Variants in C3orf70 observed in about 807,000 individuals in gnomAD.
C3orf70 encodes the protein chromosome 3 open reading frame 70, also known as UPF0524 protein C3orf70.
In C3orf70, 15 loss-of-function variants were observed where a neutral mutation model predicts 20.7. That is an observed-to-expected ratio of 0.72 (90% CI 0.48 to 1.11). The LOEUF (loss-of-function observed/expected upper bound fraction) is 1.11, where lower values mean the gene tolerates loss of function less well. C3orf70 is among the 50% of genes most tolerant of loss of function. The probability of loss-of-function intolerance (pLI) is 0.00; values close to 1 mark genes in which losing one functional copy is unlikely to be tolerated. For synonymous variants in C3orf70, 161 were observed against 125.7 expected, an observed-to-expected ratio of 1.28 and a Z score of -1.88; for missense variants, 332 against 317.6, an observed-to-expected ratio of 1.05 and a Z score of -0.34.
Position 185,077,393 on chromosome 3 carries a change from G to A in C3orf70, c.*5614C>T, listed in dbSNP as rs1467909813. 6.6e-6 allele frequency among the ~76,000 whole-genome samples: 1 copy of A among 152,160 alleles called. No individual in the cohort carries two copies. Among genetic ancestry groups the A allele is most frequent in the East Asian group, 1.9e-4 (1 of 5,198 alleles). ...CACTGGGTAAAGATGTGGACTTCTT[G>A]AGCTCTTTTCCTGATCTGTGAAATG... On this transcript the variant is annotated 3_prime_UTR_variant, in exon 2 of 2. Coordinates refer to ENST00000335012, the MANE Select transcript of C3orf70 (RefSeq NM_001025266.3).
Position 185,082,046 on chromosome 3 carries a change from T to C in C3orf70, c.*961A>G, listed in dbSNP as rs567559612. ...ATGTCAGATGTGGCTGCCACCTAAA[T>C]GTGATACCTATATAACTTCCTAAGA... On this transcript the variant is annotated 3_prime_UTR_variant, in exon 2 of 2. Transcript: ENST00000335012. The C allele has an allele frequency of 6.6e-6, 1 of 152,310 alleles. No individual in the cohort carries two copies. Among genetic ancestry groups the C allele is most frequent in the East Asian group, 1.9e-4 (1 of 5,188 alleles). 9.4% of individuals were successfully genotyped at this position (152,310 alleles called of 1,614,324 possible).
intron 1 of C3orf70, among the ~76,000 whole-genome samples, chr3:185,095,096 T>C (rs1274766201): frequency 6.6e-6 from 1 of 152,266 alleles, no homozygotes; most frequent in Non-Finnish European, 1.5e-5. Flanking sequence ...AATCTAAAGA[T>C]GGTTCTTAAT....
chr3:185,126,611 G>A (rs995184855), intron 1 of C3orf70, among the ~76,000 whole-genome samples: 3 of 152,152 alleles, frequency 2.0e-5, no homozygotes, highest in Non-Finnish European at 2.9e-5. Context: ...GTTTTAATTC[G>A]TCTTATCATA....
chr3:185,098,938 C>T (rs1228895821), intron 1 of C3orf70, among the ~76,000 whole-genome samples: 1 of 152,318 alleles, frequency 6.6e-6, no homozygotes, highest in East Asian at 1.9e-4. Context: ...TCTGCTGGCC[C>T]ACACTGCAGA....
chr3:185,131,957 A>G (rs1275403170), intron 1 of C3orf70, among the ~76,000 whole-genome samples: 1 of 152,238 alleles, frequency 6.6e-6, no homozygotes, highest in Non-Finnish European at 1.5e-5. Flanking sequence ...CTCAGGACAC[A>G]TGAGGAAAGA....
At chr3:185,128,452 C>T (rs1336080112) in intron 1 of C3orf70, among the ~76,000 whole-genome samples, 1 of 151,810 alleles carries the variant, frequency 6.6e-6, no homozygotes, top group African/African-American at 2.4e-5. Flanking sequence ...CGCCTGAACC[C>T]CAGAAGCAGA....
chr3:185,116,775 C>A (rs958901491), intron 1 of C3orf70, among the ~76,000 whole-genome samples: 4 of 151,168 alleles, frequency 2.6e-5, no homozygotes, highest in Non-Finnish European at 5.9e-5. Context: ...TAGTCTAACC[C>A]TCTACATTTT....
intron 1 of C3orf70, among the ~76,000 whole-genome samples, chr3:185,103,853 A>G (rs1179131142): frequency 6.6e-6 from 1 of 152,156 alleles, no homozygotes; most frequent in Non-Finnish European, 1.5e-5. Context: ...GCTCCCAGGA[A>G]AAAGGCTCCT....
chr3:185,134,450 G>A (rs1716581888), intron 1 of C3orf70, among the ~76,000 whole-genome samples: 1 of 152,124 alleles, frequency 6.6e-6, no homozygotes, highest in Non-Finnish European at 1.5e-5. Flanking sequence ...GAACCTCGGG[G>A]CCCAAGCAAC....
intron 1 of C3orf70, among the ~76,000 whole-genome samples, chr3:185,136,614 CT>C (rs200783063): frequency 0.02 from 3,086 of 152,214 alleles, 107 homozygotes; most frequent in African/African-American, 0.071. Context: ...GTCCCAGCTA[CT>C]CGGGAGGCTG....
Position 185,152,901 on chromosome 3 carries a change from TGCGGACGCGGGAGGGCGCGGC to T in C3orf70, c.-99_-79del. 1 of 1,324,758 alleles carries T rather than the reference TGCGGACGCGGGAGGGCGCGGC, an allele frequency of 7.5e-7. No homozygotes were observed. Among genetic ancestry groups the T allele is most frequent in the Non-Finnish European group, 9.8e-7 (1 of 1,019,712 alleles). 82.1% of individuals were successfully genotyped at this position (1,324,758 alleles called of 1,614,324 possible). On this transcript the variant is annotated 5_prime_UTR_variant, in exon 1 of 2. Coordinates refer to ENST00000335012, the MANE Select transcript of C3orf70 (RefSeq NM_001025266.3). ...TGGGTGGGCAGGAAGCCGAGCCGGC[TGCGGACGCGGGAGGGCGCGGC>T]ACGGGCCGGGAGTCACGCCAGCACG...
rs549004352 is a variant in C3orf70, at chr3:185,120,265, T to C, written c.196+32363A>G. 5.9e-5 allele frequency among the ~76,000 whole-genome samples: 9 copies of C among 152,288 alleles called. No individual in the cohort carries two copies. In the East Asian group the frequency reaches 1.5e-3, roughly 26 times the overall value. Reference sequence around the variant, plus strand: ...TTCATTTGGTCATTCAACAAATATGTACTATCTGCCAGACACTGTACTACT... The same window carrying C: ...TTCATTTGGTCATTCAACAAATATGCACTATCTGCCAGACACTGTACTACT... On this transcript the variant is annotated intron_variant, in intron 1 of 1. Transcript: ENST00000335012.
chr3:185,086,778 A>T (rs2108586863), intron 1 of C3orf70, among the ~76,000 whole-genome samples: 1 of 152,294 alleles, frequency 6.6e-6, no homozygotes, highest in African/African-American at 2.4e-5. Flanking sequence ...AGAGCCTATT[A>T]TCTGGTGATA....
At chr3:185,126,528 G>A (rs566640929) in intron 1 of C3orf70, among the ~76,000 whole-genome samples, 1 of 152,076 alleles carries the variant, frequency 6.6e-6, no homozygotes, top group Non-Finnish European at 1.5e-5. Context: ...GAAGAAATAC[G>A]TGAGAAATAA....
chr3:185,120,497 C>G (rs74366104), intron 1 of C3orf70, among the ~76,000 whole-genome samples: 7,894 of 152,000 alleles, frequency 0.052, 665 homozygotes, highest in African/African-American at 0.18. Context: ...AGGACTAATA[C>G]CCAGAATCTA....
chr3:185,117,866 T>A (rs1185108971), intron 1 of C3orf70, among the ~76,000 whole-genome samples: 1 of 152,188 alleles, frequency 6.6e-6, no homozygotes, highest in African/African-American at 2.4e-5. Flanking sequence ...TTTCTAACAG[T>A]AAAAGTGAAA....
chr3:185,087,872 T>C (rs1384083941), intron 1 of C3orf70, among the ~76,000 whole-genome samples: 1 of 152,102 alleles, frequency 6.6e-6, no homozygotes, highest in Non-Finnish European at 1.5e-5. Context: ...GCATGCATAG[T>C]TCAGTTCTTT....
intron 1 of C3orf70, among the ~76,000 whole-genome samples, chr3:185,120,052 G>T (rs905141113): frequency 2.7e-5 from 1 of 36,862 alleles, no homozygotes; most frequent in Non-Finnish European, 6.0e-5. Flanking sequence ...AAAGAAAAAA[G>T]TGTCTTACAA....
At chr3:185,083,869 C>T (rs936521571) in intron 1 of C3orf70, among the ~76,000 whole-genome samples, 1 of 152,142 alleles carries the variant, frequency 6.6e-6, no homozygotes, top group African/African-American at 2.4e-5. Flanking sequence ...GTAATTTACT[C>T]ATTATACTAG....
Sources: gnomAD v4.1 joint callset for allele counts (sites outside exome capture counted in the v4.1 genomes callset) on GRCh38, gnomAD v4.1.1 for gene constraint, MANE v1.5 for transcripts, NCBI Gene and HGNC (gene_info 2026-07-23, HGNC 2026-07-21) for gene names.